The following GRM7 variants were observed in gnomAD, a reference collection of about 807,000 sequenced individuals.
GRM7 encodes metabotropic glutamate receptor 7.
GRM7 carries 35 observed loss-of-function variants against 84.5 expected under a neutral mutation model. That is an observed-to-expected ratio of 0.41 (90% CI 0.32 to 0.55). The LOEUF (loss-of-function observed/expected upper bound fraction) is 0.55, where lower values mean the gene tolerates loss of function less well. Among genes scored for constraint, GRM7 ranks in the 20% least tolerant of loss-of-function variants. GRM7 has a pLI of 0.19. For missense variants in GRM7, 1,003 were observed against 1,194.6 expected (o/e 0.84, Z 2.36); for synonymous variants, 487 against 455.1 (o/e 1.07, Z -0.89).
At chr3:7,501,212 C>G (rs1175824161) in intron 7 of GRM7, among the ~76,000 whole-genome samples, 2 of 152,118 alleles carry the variant, frequency 1.3e-5, no homozygotes, top group African/African-American at 4.8e-5. Flanking sequence ...TATCATTATC[C>G]TCATTTCAGA....
At chr3:7,525,913 T>C (rs1700787587) in intron 7 of GRM7, among the ~76,000 whole-genome samples, 1 of 152,170 alleles carries the variant, frequency 6.6e-6, no homozygotes, top group African/African-American at 2.4e-5. Context: ...CTGCATAGTA[T>C]TCCATGGCAT....
intron 1 of GRM7, among the ~76,000 whole-genome samples, chr3:6,910,590 C>T (rs1321644384): frequency 6.6e-6 from 1 of 152,122 alleles, no homozygotes; most frequent in African/African-American, 2.4e-5. Context: ...GGAGTGTTCT[C>T]TTTAGTTGGG....
At position 7,169,791 on chromosome 3, in the gene GRM7, A is replaced by T. The variant is rs76965543; in HGVS notation, c.736+23123A>T. Among the ~76,000 whole-genome samples, 29 of 152,320 alleles carry T rather than the reference A, an allele frequency of 1.9e-4. No homozygotes were observed. In the East Asian group the frequency reaches 5.2e-3, roughly 27 times the overall value. On this transcript the variant is annotated intron_variant, in intron 2 of 9. Coordinates refer to ENST00000357716, the MANE Select transcript of GRM7 (RefSeq NM_000844.4). The stretch of plus-strand genomic sequence containing the variant: ...TAGAGACGTACTTTTGCCAATAATT[A>T]AGCAATTGTACCAGCCTGAGCTGAG...
intron 1 of GRM7, among the ~76,000 whole-genome samples, chr3:6,949,874 A>T (rs1231524546): frequency 6.6e-6 from 1 of 152,092 alleles, no homozygotes; most frequent in African/African-American, 2.4e-5. Flanking sequence ...TGCATTTGTC[A>T]TGTAGTTCTT....
intron 1 of GRM7, among the ~76,000 whole-genome samples, chr3:7,055,818 G>A (rs549307813): frequency 5.5e-4 from 83 of 151,892 alleles, no homozygotes; most frequent in Non-Finnish European, 9.4e-4. Flanking sequence ...AGTGCACTCA[G>A]CCTAAAGACA....
chr3:7,244,429 A>G (rs554312833), intron 2 of GRM7, among the ~76,000 whole-genome samples: 1 of 152,180 alleles, frequency 6.6e-6, no homozygotes, highest in Non-Finnish European at 1.5e-5. Context: ...GTGAGACAAG[A>G]TTCTAAAATA....
chr3:7,716,080 AG>A (rs1412871961), intron 9 of GRM7, among the ~76,000 whole-genome samples: 2 of 152,210 alleles, frequency 1.3e-5, no homozygotes, highest in East Asian at 3.9e-4. Context: ...TCTTGAATGC[AG>A]GGGTATCTGA....
chr3:7,244,457 G>A (rs746553356), intron 2 of GRM7, among the ~76,000 whole-genome samples: 53 of 152,046 alleles, frequency 3.5e-4, no homozygotes, highest in Middle Eastern at 3.2e-3. Context: ...GAAAAAAACA[G>A]CTGAAAGACT....
chr3:7,310,874 T>C (rs1575152264), intron 4 of GRM7, among the ~76,000 whole-genome samples: 1 of 152,138 alleles, frequency 6.6e-6, no homozygotes, highest in Non-Finnish European at 1.5e-5. Flanking sequence ...TTTTCTCTCT[T>C]CCCTTATCCC....
At chr3:6,882,760 A>T (rs1039937620) in intron 1 of GRM7, among the ~76,000 whole-genome samples, 3 of 152,176 alleles carry the variant, frequency 2.0e-5, no homozygotes, top group Non-Finnish European at 4.4e-5. Flanking sequence ...ATTCCATGTC[A>T]TTTAATAAGG....
intron 7 of GRM7, among the ~76,000 whole-genome samples, chr3:7,495,711 C>T (rs751398942): frequency 2.6e-5 from 4 of 152,288 alleles, no homozygotes; most frequent in Non-Finnish European, 5.9e-5. Context: ...CAGAGGGATT[C>T]CTGCATGAGG....
rs9872743 is a variant in GRM7, at chr3:7,345,486, G to A, written c.1033+38834G>A. 5.4e-3 allele frequency among the ~76,000 whole-genome samples: 813 copies of A among 151,914 alleles called. 6 individuals carry two copies. Among genetic ancestry groups the A allele is most frequent in the African/African-American group, 0.017 (721 of 41,450 alleles). On this transcript the variant is annotated intron_variant, in intron 4 of 9. Coordinates refer to ENST00000357716, the MANE Select transcript of GRM7 (RefSeq NM_000844.4). ...TTTAGTAACGACGGGGTTTCATCAC[G>A]TTGGCCAGGCTGGTCTCGAACTCCT...
rs1408184892 is a variant in GRM7 at position 7,229,722 on chromosome 3, CACACATATATATATATATAT to C, written c.737-68960_737-68941del. Reference sequence around the variant, plus strand: ...TCCCCAACCCCGCTCTCCATAGACACACACATATATATATATATATATATATATATATATATATTTTTTTT... The same window carrying C: ...TCCCCAACCCCGCTCTCCATAGACACATATATATATATATATATTTTTTTT... On this transcript the variant is annotated intron_variant, in intron 2 of 9. Coordinates refer to ENST00000357716, the MANE Select transcript of GRM7 (RefSeq NM_000844.4). Among the ~76,000 whole-genome samples, 141 of 25,798 alleles carry C rather than the reference CACACATATATATATATATAT, an allele frequency of 5.5e-3. 27 individuals are homozygous for C. The East Asian group carries it at 0.27, about 50-fold the overall frequency. The allele number at this position is 25,798 out of a possible 152,430, so 16.9% of individuals were successfully genotyped here. A position where few individuals can be genotyped will look rare whatever the true frequency, so the allele number is the denominator to read the frequency against.
At chr3:6,880,597 T>C (rs1695472761) in intron 1 of GRM7, among the ~76,000 whole-genome samples, 1 of 152,168 alleles carries the variant, frequency 6.6e-6, no homozygotes, top group Non-Finnish European at 1.5e-5. Context: ...TCACCAAATT[T>C]TCACAAATTT....
At chr3:7,739,487 G>T (rs940044208) in intron 9 of GRM7, among the ~76,000 whole-genome samples, 7 of 152,150 alleles carry the variant, frequency 4.6e-5, no homozygotes, top group Non-Finnish European at 7.4e-5. Flanking sequence ...AAACTACCAA[G>T]ATTTAGTGAA....
intron 4 of GRM7, among the ~76,000 whole-genome samples, chr3:7,375,277 A>G (rs1416542795): frequency 1.4e-5 from 2 of 141,724 alleles, no homozygotes; most frequent in African/African-American, 5.4e-5. Context: ...AAAGTGCAGT[A>G]GTATGATCTC....
At chr3:7,125,305 T>C (rs887676649) in intron 1 of GRM7, among the ~76,000 whole-genome samples, 2 of 152,154 alleles carry the variant, frequency 1.3e-5, no homozygotes, top group African/African-American at 4.8e-5. Flanking sequence ...GGCAGGAGGA[T>C]CACCTAAGCC....
chr3:7,429,225 G>A (rs1696734011), intron 5 of GRM7, among the ~76,000 whole-genome samples: 1 of 152,064 alleles, frequency 6.6e-6, no homozygotes, highest in Non-Finnish European at 1.5e-5. Context: ...ATGTTTTAAG[G>A]AGAAGCACTA....
intron 7 of GRM7, among the ~76,000 whole-genome samples, chr3:7,515,301 G>T: frequency 6.7e-6 from 1 of 149,814 alleles, no homozygotes; most frequent in African/African-American, 2.4e-5. Flanking sequence ...GATAGTTTTT[G>T]TGTTTGAGGG....
Sources: allele counts gnomAD v4.1 joint callset (sites outside exome capture counted in the v4.1 genomes callset), GRCh38; gene constraint gnomAD v4.1.1; transcripts MANE v1.5; gene names NCBI Gene and HGNC (gene_info 2026-07-23, HGNC 2026-07-21).